The following NSMCE2 variants were observed in gnomAD, a reference collection of about 807,000 sequenced individuals.
The protein encoded by NSMCE2 is NSE2 SUMO ligase component of SMC5/6 complex, also known as E3 SUMO-protein ligase NSE2.
Under a neutral mutation model 23.8 loss-of-function variants are expected in NSMCE2, and 24 were observed. That is an observed-to-expected ratio of 1.01 (90% CI 0.73 to 1.42). The LOEUF (loss-of-function observed/expected upper bound fraction) is 1.42, where lower values mean the gene tolerates loss of function less well. Ranked by LOEUF, NSMCE2 falls within the 40% of genes most tolerant of loss-of-function variation. The pLI is 0.00. For synonymous variants in NSMCE2, 92 were observed against 94.1 expected, an observed-to-expected ratio of 0.98 and a Z score of 0.13; for missense variants, 284 against 296.5, an observed-to-expected ratio of 0.96 and a Z score of 0.31.
At chr8:125,095,776 G>A (rs999860634) in intron 1 of NSMCE2, among the ~76,000 whole-genome samples, 1 of 151,612 alleles carries the variant, frequency 6.6e-6, no homozygotes, top group South Asian at 2.1e-4. Flanking sequence ...CAGCTACTGG[G>A]GAGGCTGAGG....
intron 4 of NSMCE2, among the ~76,000 whole-genome samples, chr8:125,165,390 A>C (rs1821827186): frequency 6.6e-6 from 1 of 152,250 alleles, no homozygotes; most frequent in African/African-American, 2.4e-5. Flanking sequence ...TTCTAATATA[A>C]GATGGTATTT....
chr8:125,287,944 T>G (rs1326698614), intron 5 of NSMCE2, among the ~76,000 whole-genome samples: 1 of 152,010 alleles, frequency 6.6e-6, no homozygotes, highest in East Asian at 1.9e-4. Flanking sequence ...TGCGGGATCC[T>G]TCTCAACTAA....
intron 3 of NSMCE2, among the ~76,000 whole-genome samples, chr8:125,112,197 A>G (rs1818789755): frequency 6.6e-6 from 1 of 152,264 alleles, no homozygotes; most frequent in Non-Finnish European, 1.5e-5. Flanking sequence ...GAAGATTATT[A>G]AACATATATA....
chr8:125,205,873 A>C (rs959991326), intron 5 of NSMCE2, among the ~76,000 whole-genome samples: 1 of 152,190 alleles, frequency 6.6e-6, no homozygotes, highest in Non-Finnish European at 1.5e-5. Flanking sequence ...ATTTAAGATA[A>C]TTATAATCAA....
chr8:125,106,717 C>T (rs1237723657), intron 3 of NSMCE2, among the ~76,000 whole-genome samples: 2 of 149,906 alleles, frequency 1.3e-5, no homozygotes, highest in East Asian at 2.0e-4. Flanking sequence ...TCATTTTGGC[C>T]GGGTGCTGTG....
intron 5 of NSMCE2, among the ~76,000 whole-genome samples, chr8:125,343,103 T>C (rs751390555): frequency 3.3e-5 from 5 of 152,232 alleles, no homozygotes; most frequent in East Asian, 1.9e-4. Context: ...TCATTAATAC[T>C]AAGATTCCAG....
intron 5 of NSMCE2, among the ~76,000 whole-genome samples, chr8:125,218,789 G>T (rs1236976603): frequency 6.6e-6 from 1 of 152,128 alleles, no homozygotes. Context: ...GATCTGTTTC[G>T]CAACAACATG....
intron 3 of NSMCE2, among the ~76,000 whole-genome samples, chr8:125,135,361 C>G (rs1011723998): frequency 6.6e-6 from 1 of 152,134 alleles, no homozygotes; most frequent in Non-Finnish European, 1.5e-5. Context: ...CAAACAGATT[C>G]TTTTGAAGAA....
chr8:125,148,344 A>G (rs1218576201), intron 3 of NSMCE2, among the ~76,000 whole-genome samples: 1 of 152,206 alleles, frequency 6.6e-6, no homozygotes, highest in African/African-American at 2.4e-5. Context: ...TTAGTAGCAT[A>G]TATGGGACCC....
intron 5 of NSMCE2, among the ~76,000 whole-genome samples, chr8:125,316,174 G>A (rs7004753): frequency 0.45 from 68,242 of 152,098 alleles, 17,715 homozygotes; most frequent in Non-Finnish European, 0.56. Context: ...TGAATAGCAT[G>A]TCTTCTTTTT....
At chr8:125,128,078 G>A (rs542629410) in intron 3 of NSMCE2, among the ~76,000 whole-genome samples, 14 of 152,168 alleles carry the variant, frequency 9.2e-5, no homozygotes, top group Non-Finnish European at 1.9e-4. Flanking sequence ...AAATAGACAT[G>A]GCCATTGTGC....
intron 7 of NSMCE2, among the ~76,000 whole-genome samples, chr8:125,365,683 C>G (rs1813752021): frequency 6.6e-6 from 1 of 151,918 alleles, no homozygotes; most frequent in African/African-American, 2.4e-5. Flanking sequence ...TGGTGAAACC[C>G]CATCTCTACT....
chr8:125,140,006 A>T (rs1820278189), intron 3 of NSMCE2, among the ~76,000 whole-genome samples: 1 of 152,184 alleles, frequency 6.6e-6, no homozygotes, highest in Non-Finnish European at 1.5e-5. Context: ...CCTTTTTAAA[A>T]GGGATGCCTT....
intron 4 of NSMCE2, among the ~76,000 whole-genome samples, chr8:125,163,471 G>A (rs552350296): frequency 6.6e-6 from 1 of 152,224 alleles, no homozygotes; most frequent in Admixed American, 6.5e-5. Flanking sequence ...GTTCTACCAG[G>A]CTGTGACCTT....
chr8:125,363,751 A>G (rs1271853668), intron 7 of NSMCE2, among the ~76,000 whole-genome samples: 2 of 152,070 alleles, frequency 1.3e-5, no homozygotes, highest in African/African-American at 2.4e-5. Context: ...GCGTAGGGGG[A>G]CAGGCTGGGA....
intron 4 of NSMCE2, among the ~76,000 whole-genome samples, chr8:125,181,080 T>C (rs995673444): frequency 6.6e-6 from 1 of 152,086 alleles, no homozygotes; most frequent in African/African-American, 2.4e-5. Flanking sequence ...GGGCCAGTGA[T>C]GAAAGGGAGC....
At chr8:125,219,769 T>C (rs900797571) in intron 5 of NSMCE2, among the ~76,000 whole-genome samples, 3 of 152,218 alleles carry the variant, frequency 2.0e-5, no homozygotes, top group Non-Finnish European at 4.4e-5. Context: ...TTAGACACTT[T>C]GGGCTTCGCT....
intron 5 of NSMCE2, among the ~76,000 whole-genome samples, chr8:125,227,234 C>T (rs1447231711): frequency 6.6e-6 from 1 of 152,130 alleles, no homozygotes; most frequent in Non-Finnish European, 1.5e-5. Flanking sequence ...CTGCCACGTC[C>T]CTGACATGGC....
chr8:125,192,944 G>A (rs1823424052), intron 5 of NSMCE2, among the ~76,000 whole-genome samples: 1 of 152,118 alleles, frequency 6.6e-6, no homozygotes. Flanking sequence ...TTAAGGAGAT[G>A]TTCTGAAGTA....
Sources: gnomAD v4.1 joint callset for allele counts (sites outside exome capture counted in the v4.1 genomes callset) on GRCh38, gnomAD v4.1.1 for gene constraint, MANE v1.5 for transcripts, NCBI Gene and HGNC (gene_info 2026-07-23, HGNC 2026-07-21) for gene names.